Variants in SPTLC2 observed in about 807,000 individuals in gnomAD.
The protein encoded by SPTLC2 is serine palmitoyltransferase long chain base subunit 2.
Under a neutral mutation model 62.0 loss-of-function variants are expected in SPTLC2, and 21 were observed. The observed-to-expected ratio is 0.34, with a 90% CI of 0.24 to 0.49. The LOEUF (loss-of-function observed/expected upper bound fraction) is 0.49, where lower values mean the gene tolerates loss of function less well. Ranked by LOEUF, SPTLC2 falls within the 20% of genes least tolerant of loss-of-function variation. The pLI, the probability that SPTLC2 is intolerant of heterozygous loss-of-function variation, is 0.99. For synonymous variants in SPTLC2, 261 were observed against 261.8 expected, an observed-to-expected ratio of 1.00 and a Z score of 0.03; for missense variants, 511 against 713.0, an observed-to-expected ratio of 0.72 and a Z score of 3.23.
At chr14:77,568,585 G>A (rs961582737) in intron 5 of SPTLC2, among the ~76,000 whole-genome samples, 20 of 152,074 alleles carry the variant, frequency 1.3e-4, no homozygotes, top group African/African-American at 4.8e-4. Flanking sequence ...GAGGCAGGCA[G>A]ATCATGAGGT....
rs559562300 is a variant in SPTLC2 at position 77,569,376 on chromosome 14, T to G, written c.756+1008A>C. 1.2e-4 allele frequency among the ~76,000 whole-genome samples: 19 copies of G among 152,304 alleles called. 1 individual carries two copies. In the South Asian group the frequency reaches 3.9e-3, roughly 32 times the overall value. Reference sequence around the variant, plus strand: ...GTTTATCAACACAGGTGGGTTTAAATCTCCTATCTTGCTGTTTGTTTTCTA... The same window carrying G: ...GTTTATCAACACAGGTGGGTTTAAAGCTCCTATCTTGCTGTTTGTTTTCTA... On this transcript the variant is annotated intron_variant, in intron 5 of 11. Transcript: ENST00000216484.
chr14:77,559,717 T>C (rs769825049), intron 6 of SPTLC2, among the ~76,000 whole-genome samples: 5 of 151,898 alleles, frequency 3.3e-5, no homozygotes, highest in African/African-American at 9.7e-5. Flanking sequence ...CAGCGAGACT[T>C]TGTCTCTATA....
intron 6 of SPTLC2, among the ~76,000 whole-genome samples, chr14:77,561,372 G>A (rs542141517): frequency 4.6e-5 from 7 of 152,264 alleles, no homozygotes; most frequent in Admixed American, 2.0e-4. Context: ...CACTTTGGGA[G>A]GCCAAGGCGG....
At chr14:77,530,204 T>C (rs1018365400) in intron 9 of SPTLC2, among the ~76,000 whole-genome samples, 20 of 151,976 alleles carry the variant, frequency 1.3e-4, no homozygotes, top group African/African-American at 2.9e-4. Flanking sequence ...GTGTGCATAG[T>C]AGAAAATCTC....
rs2079308383 is a variant in SPTLC2, at chr14:77,506,869, AG to A, written c.*5414del. Reference sequence around the variant, plus strand: ...TCAAGCTCCCCTCAAGTGCTCCAAAAGAACAGAGCTTTGGGTATTGCTTCAT... The same window carrying A: ...TCAAGCTCCCCTCAAGTGCTCCAAAAAACAGAGCTTTGGGTATTGCTTCAT... On this transcript the variant is annotated 3_prime_UTR_variant, in exon 12 of 12. Coordinates refer to ENST00000216484, the MANE Select transcript of SPTLC2 (RefSeq NM_004863.4). The A allele has an allele frequency of 2.6e-5, 4 of 152,258 alleles. No homozygotes were observed. The highest frequency in any genetic ancestry group is 2.6e-4 in the Admixed American group (4 of 15,282). 9.4% of individuals were successfully genotyped at this position (152,258 alleles called of 1,614,324 possible). A position where few individuals can be genotyped will look rare whatever the true frequency, so the allele number is the denominator to read the frequency against.
chr14:77,601,730 C>T (rs1452452521), intron 1 of SPTLC2, among the ~76,000 whole-genome samples: 1 of 152,232 alleles, frequency 6.6e-6, no homozygotes, highest in Non-Finnish European at 1.5e-5. Context: ...TAAGCGGCCT[C>T]TTTTTACTCT....
chr14:77,583,206 T>TC (rs1215751772), intron 2 of SPTLC2, among the ~76,000 whole-genome samples: 12 of 144,018 alleles, frequency 8.3e-5, no homozygotes, highest in African/African-American at 3.0e-4. Flanking sequence ...TCTCAATAAA[T>TC]AAATAAATAA....
intron 1 of SPTLC2, among the ~76,000 whole-genome samples, chr14:77,610,723 A>C (rs1473010233): frequency 6.6e-6 from 1 of 151,928 alleles, no homozygotes; most frequent in African/African-American, 2.4e-5. Flanking sequence ...AGGCTGAAGC[A>C]GGAGGATGCT....
At chr14:77,556,932 C>T in intron 7 of SPTLC2, 109 bp downstream of exon 7, 3 of 856,482 alleles carry the variant, frequency 3.5e-6, no homozygotes, top group Non-Finnish European at 5.8e-6. Flanking sequence ...CTTATAAACA[C>T]TGTCTCCTTA....
At chr14:77,594,452 G>GA (rs1238761738) in intron 2 of SPTLC2, among the ~76,000 whole-genome samples, 1 of 152,168 alleles carries the variant, frequency 6.6e-6, no homozygotes, top group African/African-American at 2.4e-5. Flanking sequence ...CAAGCTGTAT[G>GA]AAAAATCCCC....
chr14:77,612,183 T>C (rs903429765), intron 1 of SPTLC2, among the ~76,000 whole-genome samples: 1 of 152,180 alleles, frequency 6.6e-6, no homozygotes, highest in Non-Finnish European at 1.5e-5. Context: ...CCCTCTGAAT[T>C]GCCTATTCTA....
At chr14:77,556,953 G>A (rs190966204) in intron 7 of SPTLC2, 88 bp downstream of exon 7, 8 of 1,023,424 alleles carry the variant, frequency 7.8e-6, no homozygotes, top group African/African-American at 3.1e-5. Context: ...GTTTCCAGAG[G>A]GGGATAGACT....
intron 3 of SPTLC2, among the ~76,000 whole-genome samples, chr14:77,577,703 T>C (rs1228615523): frequency 6.6e-6 from 1 of 151,950 alleles, no homozygotes; most frequent in African/African-American, 2.4e-5. Context: ...ATTGAGACCA[T>C]CCTGACTAAC....
chr14:77,541,509 T>G (rs2079500310), intron 9 of SPTLC2, among the ~76,000 whole-genome samples: 1 of 152,196 alleles, frequency 6.6e-6, no homozygotes, highest in African/African-American at 2.4e-5. Flanking sequence ...ATGATCTGGA[T>G]ATACACCCAT....
intron 8 of SPTLC2, among the ~76,000 whole-genome samples, 199 bp downstream of exon 8, chr14:77,555,101 T>C: frequency 6.6e-6 from 1 of 152,122 alleles, no homozygotes; most frequent in East Asian, 1.9e-4. Flanking sequence ...GAAGCTCAAA[T>C]AAGAAAACAA....
chr14:77,562,333 T>A, intron 6 of SPTLC2, 63 bp downstream of exon 6: 2 of 1,383,790 alleles, frequency 1.4e-6, no homozygotes, highest in Admixed American at 1.7e-5. Flanking sequence ...TAATGTTAAC[T>A]CCCACCATGG....
chr14:77,566,064 C>T (rs2079643235), intron 5 of SPTLC2, among the ~76,000 whole-genome samples: 1 of 152,152 alleles, frequency 6.6e-6, no homozygotes, highest in Admixed American at 6.6e-5. Context: ...AGAACCCTCC[C>T]TTCCCTTCCC....
intron 1 of SPTLC2, among the ~76,000 whole-genome samples, chr14:77,610,430 C>T (rs1365065998): frequency 2.0e-5 from 3 of 152,128 alleles, no homozygotes; most frequent in African/African-American, 2.4e-5. Flanking sequence ...GCGTGAGCCA[C>T]GGTACCTGGT....
chr14:77,528,278 C>G (rs2139998993), intron 9 of SPTLC2, among the ~76,000 whole-genome samples: 1 of 152,126 alleles, frequency 6.6e-6, no homozygotes, highest in African/African-American at 2.4e-5. Flanking sequence ...GTTGCCCAGG[C>G]AGGAGTGCAA....
Sources: gnomAD v4.1 joint callset for allele counts (sites outside exome capture counted in the v4.1 genomes callset) on GRCh38, gnomAD v4.1.1 for gene constraint, MANE v1.5 for transcripts, NCBI Gene and HGNC (gene_info 2026-07-23, HGNC 2026-07-21) for gene names.